Variants in ZFHX4 observed in about 807,000 individuals in gnomAD.
ZFHX4 encodes the protein zinc finger homeobox 4.
In ZFHX4, 56 loss-of-function variants were observed where a neutral mutation model predicts 267.6. The ratio of observed to expected loss-of-function variants is 0.21; its 90% CI spans 0.17 to 0.26. ZFHX4 has a LOEUF of 0.26. Ranked by LOEUF, ZFHX4 falls within the 10% of genes least tolerant of loss-of-function variation. The probability of loss-of-function intolerance (pLI) is 1.00; values close to 1 mark genes in which losing one functional copy is unlikely to be tolerated. For synonymous variants in ZFHX4, 1,778 were observed against 1,665.6 expected (o/e 1.07, Z -1.64); for missense variants, 4,332 against 4,420.0 (o/e 0.98, Z 0.56).
At chr8:76,755,425 T>C (rs1266258448) in intron 3 of ZFHX4, among the ~76,000 whole-genome samples, 2 of 152,214 alleles carry the variant, frequency 1.3e-5, no homozygotes, top group East Asian at 3.8e-4. Flanking sequence ...ATTACTTTCC[T>C]CTTTTTGACT....
chr8:76,767,087 G>A lies in ZFHX4; in HGVS notation c.3094-11121G>A, dbSNP rs182870607. Among the ~76,000 whole-genome samples, 70 of 152,016 alleles carry A rather than the reference G, an allele frequency of 4.6e-4. 2 individuals carry two copies. Among genetic ancestry groups the A allele is most frequent in the South Asian group, 1.9e-3 (9 of 4,818 alleles). On this transcript the variant is annotated intron_variant, in intron 3 of 10. Coordinates refer to ENST00000651372, the MANE Select transcript of ZFHX4 (RefSeq NM_024721.5). ...TGTGTGTGTGTGTATGTGTGCATGTGTGTATGTGAGACAACGTGACACTGC... is the reference window on the plus strand; with the variant it reads ...TGTGTGTGTGTGTATGTGTGCATGTATGTATGTGAGACAACGTGACACTGC...
At chr8:76,683,547 T>TC (rs112865617) in intron 1 of ZFHX4, among the ~76,000 whole-genome samples, 47 of 148,906 alleles carry the variant, frequency 3.2e-4, no homozygotes, top group African/African-American at 7.9e-4. Flanking sequence ...TCCTTGAGTC[T>TC]CCCCCCCACC....
At chr8:76,835,637 T>C (rs1812073782) in intron 5 of ZFHX4, among the ~76,000 whole-genome samples, 1 of 152,030 alleles carries the variant, frequency 6.6e-6, no homozygotes, top group Admixed American at 6.6e-5. Flanking sequence ...AATCTTATTT[T>C]CTCCTAAAAA....
chr8:76,855,066 A>G lies in ZFHX4; in HGVS notation c.8145A>G (p.Ile2715Met). The part of the protein sequence containing the change: ...AGYSLPPSPL[I>M]STEDGGESPQ... ...ACAGCTTGCCACCAAGCCCTTTAATATCCACCGAAGATGGGGGAGAAAGCC... is the reference window on the plus strand; with the variant it reads ...ACAGCTTGCCACCAAGCCCTTTAATGTCCACCGAAGATGGGGGAGAAAGCC... Residue 2715 changes from isoleucine to methionine, a missense_variant, in exon 10 of 11, where the codon ATA (isoleucine) becomes ATG (methionine). Ile to Met is a conservative substitution (Grantham distance 10, BLOSUM62 1). This residue lies in a region of ZFHX4 where 1,648 missense variants were observed against 1,625.0 expected (regional missense o/e 1.01). Transcript: ENST00000651372. 1 of 1,613,944 alleles carries G rather than the reference A, an allele frequency of 6.2e-7. No individual in the cohort carries two copies. Among genetic ancestry groups the G allele is most frequent in the South Asian group, 1.1e-5 (1 of 91,082 alleles).
chr8:76,721,106 G>A (rs1808710235), intron 3 of ZFHX4, among the ~76,000 whole-genome samples: 1 of 152,050 alleles, frequency 6.6e-6, no homozygotes, highest in South Asian at 2.1e-4. Flanking sequence ...TATCTCCTGA[G>A]GTAGGAAGAA....
At chr8:76,772,017 T>C (rs1167219406) in intron 3 of ZFHX4, among the ~76,000 whole-genome samples, 5 of 152,152 alleles carry the variant, frequency 3.3e-5, no homozygotes. Flanking sequence ...GACTTCATCT[T>C]TCACTGACAC....
intron 1 of ZFHX4, among the ~76,000 whole-genome samples, chr8:76,697,611 T>C (rs1420110854): frequency 6.6e-6 from 1 of 152,046 alleles, no homozygotes; most frequent in Admixed American, 6.5e-5. Flanking sequence ...GCTTCATGTT[T>C]AGCAGTGTAA....
intron 4 of ZFHX4, among the ~76,000 whole-genome samples, chr8:76,832,202 G>C (rs757663528): frequency 2.0e-5 from 3 of 152,088 alleles, no homozygotes; most frequent in African/African-American, 7.2e-5. Context: ...GCTAGAAATA[G>C]TAAATAAACA....
At chr8:76,746,086 G>C (rs772923796) in intron 3 of ZFHX4, among the ~76,000 whole-genome samples, 3 of 152,260 alleles carry the variant, frequency 2.0e-5, no homozygotes, top group Admixed American at 2.0e-4. Context: ...TCCAATTAAC[G>C]TTATTTGGTG....
intron 3 of ZFHX4, among the ~76,000 whole-genome samples, chr8:76,725,463 C>T (rs972072336): frequency 2.0e-5 from 3 of 152,036 alleles, no homozygotes; most frequent in African/African-American, 4.8e-5. Context: ...ATTGGCAATA[C>T]AGCTTATGTT....
chr8:76,855,231 T>C lies in ZFHX4; in HGVS notation c.8310T>C (p.Pro2770=). ...AELSPKNLLS[P]SSFKAECSED... is the part of the protein sequence containing the mutation. ...TGTCACCGAAGAATCTTTTAAGCCC[T>C]TCTTCTTTTAAAGCAGAGTGTTCTG... Residue 2770 remains proline, a synonymous_variant, in exon 10 of 11, where the codon CCT becomes CCC. Transcript: ENST00000651372. 1 of 1,612,240 alleles carries C rather than the reference T, an allele frequency of 6.2e-7. No homozygotes were observed.
chr8:76,712,053 T>G (rs1036504063), intron 3 of ZFHX4, among the ~76,000 whole-genome samples: 1 of 152,208 alleles, frequency 6.6e-6, no homozygotes, highest in Admixed American at 6.5e-5. Flanking sequence ...TTCCTGCATC[T>G]GCTAGTAGTG....
intron 3 of ZFHX4, among the ~76,000 whole-genome samples, chr8:76,728,913 A>G (rs1206676430): frequency 6.6e-6 from 1 of 152,198 alleles, no homozygotes; most frequent in Non-Finnish European, 1.5e-5. Flanking sequence ...CATAGGTTTT[A>G]GGAAAATGTA....
At chr8:76,796,960 T>C (rs1409417512) in intron 4 of ZFHX4, among the ~76,000 whole-genome samples, 1 of 152,210 alleles carries the variant, frequency 6.6e-6, no homozygotes, top group African/African-American at 2.4e-5. Flanking sequence ...AATATGTGAC[T>C]GTTACAACAC....
At position 76,812,140 on chromosome 8, in the gene ZFHX4, C is replaced by T. The variant is rs557076317; in HGVS notation, c.3326-21198C>T. On this transcript the variant is annotated intron_variant, in intron 4 of 10. Coordinates refer to ENST00000651372, the MANE Select transcript of ZFHX4 (RefSeq NM_024721.5). ...ATTAAGTAAAAAACATCTAGGGCAT[C>T]AACTTCTAAATGAAAGATTAAGTTG... Among the ~76,000 whole-genome samples, 3 of 152,268 alleles carry T rather than the reference C, an allele frequency of 2.0e-5. No individual in the cohort carries two copies. In the South Asian group the frequency reaches 6.2e-4, roughly 32 times the overall value.
intron 1 of ZFHX4, among the ~76,000 whole-genome samples, chr8:76,686,888 T>C (rs1231256838): frequency 2.0e-5 from 3 of 152,210 alleles, no homozygotes; most frequent in African/African-American, 7.2e-5. Flanking sequence ...TGTTTATAAA[T>C]GAGGAGCCTT....
chr8:76,800,222 CGT>C (rs2131824932), intron 4 of ZFHX4, among the ~76,000 whole-genome samples: 2 of 152,082 alleles, frequency 1.3e-5, no homozygotes, highest in African/African-American at 4.8e-5. Context: ...AGGGACTGAG[CGT>C]GGCAGAAGTG....
chr8:76,708,722 C>T (rs894177781), intron 3 of ZFHX4, among the ~76,000 whole-genome samples: 1 of 152,176 alleles, frequency 6.6e-6, no homozygotes, highest in African/African-American at 2.4e-5. Flanking sequence ...AGACTGTGCA[C>T]ATGTACTGAA....
intron 3 of ZFHX4, among the ~76,000 whole-genome samples, chr8:76,715,873 G>A (rs565506188): frequency 1.3e-5 from 2 of 152,186 alleles, no homozygotes; most frequent in African/African-American, 4.8e-5. Flanking sequence ...TTATTTCATT[G>A]TAAGTACTAG....
Sources: allele counts gnomAD v4.1 joint callset (sites outside exome capture counted in the v4.1 genomes callset), GRCh38; gene constraint gnomAD v4.1.1; regional missense constraint gnomAD v4.1.1; transcripts MANE v1.5; gene names NCBI Gene and HGNC (gene_info 2026-07-23, HGNC 2026-07-21).